Variants in PCDH15 observed in about 807,000 individuals in gnomAD.
PCDH15 encodes the protein protocadherin-15.
In PCDH15, 129 loss-of-function variants were observed where a neutral mutation model predicts 178.5. The ratio of observed to expected loss-of-function variants is 0.72; its 90% CI spans 0.63 to 0.84. The LOEUF is 0.84. PCDH15 is among the 40% of genes least tolerant of loss of function. The pLI, the probability that PCDH15 is intolerant of heterozygous loss-of-function variation, is 0.00. For missense variants in PCDH15, 2,230 were observed against 2,099.9 expected (o/e 1.06, Z -1.21); for synonymous variants, 800 against 732.0 (o/e 1.09, Z -1.50).
chr10:54,294,599 A>G (rs2059628547), intron 8 of PCDH15, among the ~76,000 whole-genome samples: 1 of 152,212 alleles, frequency 6.6e-6, no homozygotes, highest in South Asian at 2.1e-4. Context: ...CACCCTGTAT[A>G]ATTCATGGAT....
chr10:54,469,390 C>T (rs1192036094), intron 3 of PCDH15, among the ~76,000 whole-genome samples: 1 of 152,210 alleles, frequency 6.6e-6, no homozygotes, highest in Non-Finnish European at 1.5e-5. Flanking sequence ...AGCCAGCATG[C>T]TGCCCCCATC....
chr10:53,844,727 C>T (rs1234696408), intron 28 of PCDH15, among the ~76,000 whole-genome samples: 2 of 151,882 alleles, frequency 1.3e-5, no homozygotes, highest in Non-Finnish European at 2.9e-5. Context: ...CAAAAATCCA[C>T]TCAAAATGGA....
chr10:54,180,780 A>G (rs2047915735), intron 13 of PCDH15, among the ~76,000 whole-genome samples: 1 of 152,192 alleles, frequency 6.6e-6, no homozygotes, highest in Non-Finnish European at 1.5e-5. Flanking sequence ...TTAAAATACT[A>G]ATTATAAAGC....
intron 2 of PCDH15, among the ~76,000 whole-genome samples, chr10:55,557,401 CTGGA>C (rs1842112661): frequency 6.6e-6 from 1 of 152,072 alleles, no homozygotes; most frequent in African/African-American, 2.4e-5. Flanking sequence ...TTACCATAAA[CTGGA>C]TTTGGTCAAA....
At chr10:54,110,838 T>C (rs11004072) in intron 15 of PCDH15, among the ~76,000 whole-genome samples, 9,394 of 152,248 alleles carry the variant, frequency 0.062, 447 homozygotes, top group African/African-American at 0.13. Flanking sequence ...AATCTATGGT[T>C]TTTAAAAAAG....
At chr10:54,216,815 G>A (rs963952178) in intron 9 of PCDH15, among the ~76,000 whole-genome samples, 3 of 152,008 alleles carry the variant, frequency 2.0e-5, no homozygotes, top group Non-Finnish European at 4.4e-5. Flanking sequence ...TTATAATAAC[G>A]GAAGATAAAT....
chr10:55,098,797 C>G (rs912305613), intron 2 of PCDH15, among the ~76,000 whole-genome samples: 4 of 151,906 alleles, frequency 2.6e-5, no homozygotes, highest in South Asian at 2.1e-4. Flanking sequence ...TGGTTTTTCA[C>G]TTTCGGAAGC....
At chr10:54,903,807 T>C (rs1157797209) in intron 2 of PCDH15, among the ~76,000 whole-genome samples, 1 of 152,158 alleles carries the variant, frequency 6.6e-6, no homozygotes, top group Non-Finnish European at 1.5e-5. Flanking sequence ...GTCTTCATTT[T>C]ATTGCAGTGT....
chr10:54,768,563 C>A (rs919731937), intron 1 of PCDH15, among the ~76,000 whole-genome samples: 5 of 151,896 alleles, frequency 3.3e-5, no homozygotes, highest in African/African-American at 7.3e-5. Flanking sequence ...AAGAAGTAAG[C>A]GAGACTTAAG....
At chr10:54,734,571 T>G (rs887366356) in intron 1 of PCDH15, among the ~76,000 whole-genome samples, 2 of 151,930 alleles carry the variant, frequency 1.3e-5, no homozygotes, top group African/African-American at 4.8e-5. Context: ...CAAAACAGAT[T>G]AAAACTTATG....
intron 35 of PCDH15, among the ~76,000 whole-genome samples, chr10:53,815,433 T>C: frequency 6.6e-6 from 1 of 152,124 alleles, no homozygotes; most frequent in East Asian, 1.9e-4. Flanking sequence ...AAGTCATTGG[T>C]GTTTGGATTT....
intron 4 of PCDH15, among the ~76,000 whole-genome samples, chr10:54,373,776 T>A (rs1012355971): frequency 2.6e-5 from 4 of 151,968 alleles, no homozygotes; most frequent in Non-Finnish European, 2.9e-5. Flanking sequence ...AACAAGGAAT[T>A]GCATACCAGT....
chr10:53,816,203 G>A, intron 35 of PCDH15, 36 bp downstream of exon 35: 1 of 398,724 alleles, frequency 2.5e-6, no homozygotes, highest in Non-Finnish European at 4.4e-6. Flanking sequence ...CACAGTGAAG[G>A]CTCAGTGAGG....
chr10:54,479,767 A>T (rs1365642698), intron 3 of PCDH15, among the ~76,000 whole-genome samples: 1 of 151,990 alleles, frequency 6.6e-6, no homozygotes, highest in Admixed American at 6.6e-5. Flanking sequence ...GAAAAAAATG[A>T]GGGATTTGAA....
At chr10:55,312,762 C>A (rs944947432) in intron 1 of PCDH15, among the ~76,000 whole-genome samples, 2 of 152,064 alleles carry the variant, frequency 1.3e-5, no homozygotes, top group African/African-American at 4.8e-5. Context: ...AGATTACAGG[C>A]ATGCACCACC....
At chr10:54,458,761 A>G (rs1390876055) in intron 3 of PCDH15, among the ~76,000 whole-genome samples, 5 of 152,128 alleles carry the variant, frequency 3.3e-5, no homozygotes, top group Non-Finnish European at 5.9e-5. Context: ...GCTTAGTAGT[A>G]AAAACAACGT....
intron 3 of PCDH15, among the ~76,000 whole-genome samples, chr10:54,391,011 G>A (rs1304165860): frequency 6.6e-6 from 1 of 151,986 alleles, no homozygotes; most frequent in Non-Finnish European, 1.5e-5. Flanking sequence ...TAAAAAGATG[G>A]GCTCCTTCAA....
intron 2 of PCDH15, among the ~76,000 whole-genome samples, chr10:55,529,878 T>C (rs1377241818): frequency 4.0e-5 from 6 of 149,782 alleles, no homozygotes; most frequent in Non-Finnish European, 7.4e-5. Context: ...CTTTCAATCA[T>C]GGATATGCTA....
intron 1 of PCDH15, among the ~76,000 whole-genome samples, chr10:54,771,137 G>A (rs1362833340): frequency 1.3e-5 from 2 of 151,970 alleles, no homozygotes; most frequent in African/African-American, 4.8e-5. Context: ...TCATCTGCCT[G>A]AGAATAATTT....
Sources: gnomAD v4.1 joint callset for allele counts (sites outside exome capture counted in the v4.1 genomes callset) on GRCh38, gnomAD v4.1.1 for gene constraint, MANE v1.5 for transcripts, NCBI Gene and HGNC (gene_info 2026-07-23, HGNC 2026-07-21) for gene names.